Variants in PCNT observed in about 807,000 individuals in gnomAD.
PCNT encodes the protein pericentrin.
Under a neutral mutation model 380.4 loss-of-function variants are expected in PCNT, and 319 were observed. That is an observed-to-expected ratio of 0.84 (90% CI 0.77 to 0.92). The LOEUF (loss-of-function observed/expected upper bound fraction) is 0.92, where lower values mean the gene tolerates loss of function less well. Among genes scored for constraint, PCNT ranks in the 40% least tolerant of loss-of-function variants. The probability of loss-of-function intolerance (pLI) is 0.00; values close to 1 mark genes in which losing one functional copy is unlikely to be tolerated. For missense variants in PCNT, 4,400 were observed against 4,255.3 expected, an observed-to-expected ratio of 1.03 and a Z score of -0.95; for synonymous variants, 1,845 against 1,735.2, an observed-to-expected ratio of 1.06 and a Z score of -1.57.
rs578233518 is a variant in PCNT at position 46,363,846 on chromosome 21, C to T, written c.2521C>T (p.Arg841Trp). ...DDALHCSQCGREPPTAQDGEL... is the reference protein window; with the variant it reads ...DDALHCSQCGWEPPTAQDGEL... ...CGCCCTGCATTGCAGCCAGTGTGGGCGGGAGCCGCCCACAGCCCAGGACGG... is the reference window on the plus strand; with the variant it reads ...CGCCCTGCATTGCAGCCAGTGTGGGTGGGAGCCGCCCACAGCCCAGGACGG... Residue 841 changes from arginine (R) to tryptophan (W), a missense_variant, in exon 14 of 47, where the codon CGG becomes TGG. By Grantham distance (101) the Arg-to-Trp change is moderately radical. Transcript: ENST00000359568. The T allele has an allele frequency of 9.3e-6, 15 of 1,611,916 alleles. No individual in the cohort carries two copies. The highest frequency in any genetic ancestry group is 7.7e-5 in the South Asian group (7 of 90,972).
At chr21:46,414,455 C>CCCGCCTCCT (rs71318075) in intron 29 of PCNT, among the ~76,000 whole-genome samples, 2 of 122,856 alleles carry the variant, frequency 1.6e-5, no homozygotes, top group Non-Finnish European at 3.3e-5. Flanking sequence ...CAGTCGCCCA[C>CCCGCCTCCT]CCTCCTCCTC....
chr21:46,364,425 C>A (rs955159299), intron 14 of PCNT, among the ~76,000 whole-genome samples: 15 of 140,024 alleles, frequency 1.1e-4, no homozygotes, highest in African/African-American at 3.7e-4. Flanking sequence ...GTCTGCACTC[C>A]CTGGGTGGGT....
chr21:46,378,432 AG>A (rs1461250384), intron 15 of PCNT, among the ~76,000 whole-genome samples: 1 of 152,146 alleles, frequency 6.6e-6, no homozygotes, highest in African/African-American at 2.4e-5. Context: ...AATGAAGTAA[AG>A]GTGACTTGAA....
chr21:46,381,174 C>CA lies in PCNT; in HGVS notation c.3166-502dup, dbSNP rs34108721. On this transcript the variant is annotated intron_variant, in intron 15 of 46. Transcript: ENST00000359568. ...CCTGGGTGACAGAGAAGAGTCCTTC[C>CA]AAAAAAAAAAAAAAAAAATCTCTGT... 1.7e-3 allele frequency among the ~76,000 whole-genome samples: 167 copies of CA among 95,982 alleles called. 2 individuals carry two copies. The highest frequency in any genetic ancestry group is 2.9e-3 in the Admixed American group (24 of 8,384). The allele number at this position is 95,982 out of a possible 152,430, so 63.0% of individuals were successfully genotyped here.
chr21:46,379,030 T>G (rs998221359), intron 15 of PCNT, among the ~76,000 whole-genome samples: 10 of 152,210 alleles, frequency 6.6e-5, no homozygotes, highest in African/African-American at 2.4e-4. Flanking sequence ...GTCTGGTGCC[T>G]TATGTTTCAG....
chr21:46,351,541 G>C lies in PCNT; in HGVS notation c.1456+1G>C, dbSNP rs1310311732. On this transcript the variant is annotated splice_donor_variant, in intron 9 of 46. Coordinates refer to ENST00000359568, the MANE Select transcript of PCNT (RefSeq NM_006031.6). LOFTEE classifies it high-confidence loss of function. ...AGGACCAGTAGACAGGAATTGAGTG[G>C]TGAGGAATTGTATTGGAAAATTCAG... 1 of 1,541,518 alleles carries C rather than the reference G, an allele frequency of 6.5e-7. No homozygotes were observed. The highest frequency in any genetic ancestry group is 9.0e-7 in the Non-Finnish European group (1 of 1,113,824).
chr21:46,352,312 G>A (rs899367744), intron 9 of PCNT, among the ~76,000 whole-genome samples: 1 of 152,344 alleles, frequency 6.6e-6, no homozygotes, highest in Non-Finnish European at 1.5e-5. Context: ...CCAGCCCTGC[G>A]CCCTGCCGGG....
At chr21:46,381,611 C>A in intron 15 of PCNT, 83 bp from the exon 16 acceptor site, 2 of 1,305,658 alleles carry the variant, frequency 1.5e-6, no homozygotes, top group Non-Finnish European at 2.2e-6. Context: ...TGCATATCTG[C>A]TGAATGTGCT....
chr21:46,385,738 C>T (rs2085806267), intron 16 of PCNT, 94 bp from the exon 17 acceptor site: 1 of 1,372,784 alleles, frequency 7.3e-7, no homozygotes, highest in Admixed American at 1.7e-5. Context: ...AAGTCAGAGA[C>T]TCTCAAATAC....
chr21:46,417,884 CAGAG>C lies in PCNT; in HGVS notation c.6922-319_6922-316del, dbSNP rs534257594. On this transcript the variant is annotated intron_variant, in intron 30 of 46. Coordinates refer to ENST00000359568, the MANE Select transcript of PCNT (RefSeq NM_006031.6). ...AACCACTGCACTCCAGCCTGGGTGA[CAGAG>C]TGAGACCCTCCCTCAAAAAATAATA... Among the ~76,000 whole-genome samples the C allele has an allele frequency of 3.8e-3, 576 of 152,342 alleles. 1 individual carries two copies. Among genetic ancestry groups the C allele is most frequent in the Non-Finnish European group, 6.3e-3 (430 of 68,030 alleles).
chr21:46,340,670 TC>T (rs2083887545), intron 3 of PCNT, among the ~76,000 whole-genome samples: 1 of 152,188 alleles, frequency 6.6e-6, no homozygotes, highest in Non-Finnish European at 1.5e-5. Context: ...AGTGAGCCTA[TC>T]CACTTTGTTT....
At chr21:46,422,877 T>C (rs111446216) in intron 32 of PCNT, among the ~76,000 whole-genome samples, 19 of 152,346 alleles carry the variant, frequency 1.2e-4, no homozygotes, top group African/African-American at 3.4e-4. Context: ...CTTTGTTACA[T>C]GCGTTTAAAA....
In PCNT at chr21:46,356,957, G is replaced by C. The variant is rs770745531; in HGVS notation, c.1937-17G>C. On this transcript the variant is annotated splice_polypyrimidine_tract_variant and intron_variant, in intron 12 of 46. Transcript: ENST00000359568. ...CGGCACCGGCCTGACTGTCTTCCCT[G>C]CTCCTTTTCCACACAGAGCTTCCCT... 1.9e-6 allele frequency: 3 copies of C among 1,611,942 alleles called. No individual in the cohort carries two copies. In the Admixed American group the frequency reaches 5.0e-5, roughly 27 times the overall value.
chr21:46,373,716 C>T (rs185830135), intron 15 of PCNT, among the ~76,000 whole-genome samples: 2 of 140,288 alleles, frequency 1.4e-5, no homozygotes, highest in Non-Finnish European at 3.0e-5. Flanking sequence ...TGAGCCACCG[C>T]GCCCAGCCTT....
chr21:46,403,808 C>T (rs1177184040), intron 27 of PCNT, among the ~76,000 whole-genome samples: 1 of 144,412 alleles, frequency 6.9e-6, no homozygotes, highest in Non-Finnish European at 1.5e-5. Flanking sequence ...GTGGTGCCCA[C>T]GCGGCACGTG....
intron 17 of PCNT, among the ~76,000 whole-genome samples, chr21:46,386,657 T>C (rs2085849177): frequency 6.6e-6 from 1 of 152,244 alleles, no homozygotes; most frequent in African/African-American, 2.4e-5. Flanking sequence ...CCAGCAGGCT[T>C]GTCTGCCCTT....
chr21:46,418,406 G>C (rs1371527462), intron 31 of PCNT, 100 bp downstream of exon 31: 4 of 785,956 alleles, frequency 5.1e-6, no homozygotes, highest in Non-Finnish European at 8.8e-6. Flanking sequence ...TTCTGCGTCT[G>C]CCCCCCGCTG....
At chr21:46,401,418 G>GA in intron 25 of PCNT, 133 bp from the exon 26 acceptor site, 1 of 742,572 alleles carries the variant, frequency 1.3e-6, no homozygotes, top group South Asian at 1.5e-5. Flanking sequence ...GTGTGTCACT[G>GA]AGTGCAGGGG....
chr21:46,424,367 G>A (rs1264583435), intron 32 of PCNT, among the ~76,000 whole-genome samples: 1 of 152,208 alleles, frequency 6.6e-6, no homozygotes, highest in Non-Finnish European at 1.5e-5. Context: ...GGTCCTGAGT[G>A]TGGAGATGGC....
Sources: gnomAD v4.1 joint callset for allele counts (sites outside exome capture counted in the v4.1 genomes callset) on GRCh38, gnomAD v4.1.1 for gene constraint, MANE v1.5 for transcripts, NCBI Gene and HGNC (gene_info 2026-07-23, HGNC 2026-07-21) for gene names.